Variants in SLC36A1 observed in about 807,000 individuals in gnomAD.
SLC36A1 encodes solute carrier family 36 member 1, also known as proton-coupled amino acid transporter 1.
SLC36A1 carries 30 observed loss-of-function variants against 47.5 expected under a neutral mutation model. The observed-to-expected ratio is 0.63, with a 90% confidence interval of 0.47 to 0.86. SLC36A1 has a LOEUF of 0.86. SLC36A1 is among the 40% of genes least tolerant of loss of function. The pLI is 0.00. For missense variants in SLC36A1, 517 were observed against 606.0 expected (o/e 0.85, Z 1.54); for synonymous variants, 255 against 249.7 (o/e 1.02, Z -0.20).
chr5:151,416,541 G>A, the SLC36A1 span, among the ~76,000 whole-genome samples: 1 of 152,126 alleles, frequency 6.6e-6, no homozygotes, highest in Non-Finnish European at 1.5e-5. Flanking sequence ...CACTATGAGA[G>A]CAGTATCAAA....
intron 10 of SLC36A1, among the ~76,000 whole-genome samples, chr5:151,482,771 C>T (rs1758976827): frequency 6.6e-6 from 1 of 152,102 alleles, no homozygotes; most frequent in African/African-American, 2.4e-5. Flanking sequence ...ATTTATACCC[C>T]CACTAAGTCA....
chr5:151,512,399 G>C, the SLC36A1 span: 1 of 1,614,254 alleles, frequency 6.2e-7, no homozygotes, highest in Non-Finnish European at 8.5e-7. This position sits in a 1 kb window ranked among gnomAD's most constrained non-coding sequence, Gnocchi z 4.1. Context: ...CCCAGCAAGA[G>C]GTGCCTTTCG....
In SLC36A1 at chr5:151,479,380, G is replaced by A. The variant is rs766569267; in HGVS notation, c.1050G>A (p.Gln350=). Reference sequence around the variant, plus strand: ...GGATCTTTTTCACCTACGCACTCCAGTTCTACGTCCCGGCTGAGATCATCA... The same window carrying A: ...GGATCTTTTTCACCTACGCACTCCAATTCTACGTCCCGGCTGAGATCATCA... ...SIGIFFTYAL[Q]FYVPAEIIIP... The change falls in exon 10 of 11, where the codon CAG becomes CAA. Residue 350 remains glutamine (Q), a synonymous_variant. Transcript: ENST00000243389. 6 of 1,614,228 alleles carry A rather than the reference G, an allele frequency of 3.7e-6. No homozygotes were observed. The highest frequency in any genetic ancestry group is 4.2e-6 in the Non-Finnish European group (5 of 1,180,030).
chr5:151,358,696 G>A, the SLC36A1 span, among the ~76,000 whole-genome samples: 2 of 151,534 alleles, frequency 1.3e-5, no homozygotes, highest in Non-Finnish European at 1.5e-5. Context: ...ATTCTCGGCC[G>A]GGCGCGGTGG....
the SLC36A1 span, among the ~76,000 whole-genome samples, chr5:151,370,879 A>G: frequency 0.32 from 49,313 of 151,984 alleles, 11,351 homozygotes; most frequent in African/African-American, 0.65. Flanking sequence ...TGTAATCCCA[A>G]CTACTTGGGA....
the SLC36A1 span, chr5:151,378,282 A>C: frequency 4.6e-6 from 1 of 215,622 alleles, no homozygotes; most frequent in Admixed American, 4.5e-5. Context: ...AACTGCTTTG[A>C]AAAGCAGAGT....
At chr5:151,555,998 AC>A in the SLC36A1 span, among the ~76,000 whole-genome samples, 2 of 152,228 alleles carry the variant, frequency 1.3e-5, no homozygotes, top group African/African-American at 4.8e-5. Flanking sequence ...TCTGCTACTG[AC>A]CTAGTGTTTG....
At chr5:151,540,651 T>C in the SLC36A1 span, 1 of 1,614,192 alleles carries the variant, frequency 6.2e-7, no homozygotes, top group East Asian at 2.2e-5. Context: ...CATCAGATGC[T>C]GTGACTCTGA....
At chr5:151,370,015 G>A in the SLC36A1 span, among the ~76,000 whole-genome samples, 1 of 151,746 alleles carries the variant, frequency 6.6e-6, no homozygotes, top group African/African-American at 2.4e-5. Context: ...TGGCCAGGCT[G>A]GTCTCGAACT....
chr5:151,476,554 C>G, intron 8 of SLC36A1, 36 bp from the exon 9 acceptor site: 1 of 1,369,254 alleles, frequency 7.3e-7, no homozygotes, highest in Non-Finnish European at 9.5e-7. Flanking sequence ...TTTCTTTTTT[C>G]TGCACTTTCT....
At chr5:151,521,549 C>T in the SLC36A1 span, 26 of 1,614,190 alleles carry the variant, frequency 1.6e-5, no homozygotes, top group South Asian at 4.4e-5. Flanking sequence ...ACCAGGAGCA[C>T]ATCCACACCA....
At chr5:151,413,167 A>C in the SLC36A1 span, among the ~76,000 whole-genome samples, 35,445 of 151,874 alleles carry the variant, frequency 0.23, 4,430 homozygotes, top group African/African-American at 0.3. Context: ...TCAATGAATT[A>C]ATTCATTCAT....
At chr5:151,534,774 T>G in the SLC36A1 span, 1 of 674,806 alleles carries the variant, frequency 1.5e-6, no homozygotes, top group East Asian at 2.8e-5. Context: ...GTCAATACAG[T>G]CAGGAAAGCA....
At position 151,450,131 on chromosome 5, in the gene SLC36A1, G is replaced by A. The variant is rs140608237; in HGVS notation, c.-6+2318G>A. 6.1e-3 allele frequency among the ~76,000 whole-genome samples: 927 copies of A among 152,174 alleles called. 13 individuals carry two copies. The highest frequency in any genetic ancestry group is 0.021 in the African/African-American group (874 of 41,506). Reference sequence around the variant, plus strand: ...ATGTCCACTTATTAGCATGTGGGATGGATGGAGCCGATGTCCACTTACTAG... The same window carrying A: ...ATGTCCACTTATTAGCATGTGGGATAGATGGAGCCGATGTCCACTTACTAG... On this transcript the variant is annotated intron_variant, in intron 1 of 10. Transcript: ENST00000243389.
At chr5:151,350,946 A>T in the SLC36A1 span, among the ~76,000 whole-genome samples, 1 of 152,090 alleles carries the variant, frequency 6.6e-6, no homozygotes, top group Non-Finnish European at 1.5e-5. Flanking sequence ...TGGCCTCCCA[A>T]AGTGCTGGGA....
chr5:151,434,987 G>A (rs796982137), upstream of SLC36A1, among the ~76,000 whole-genome samples: 10 of 152,290 alleles, frequency 6.6e-5, no homozygotes, highest in African/African-American at 2.4e-4. Flanking sequence ...AGTTAAGAGG[G>A]AATATGGTAG....
chr5:151,428,913 G>C, the SLC36A1 span, among the ~76,000 whole-genome samples: 2 of 152,204 alleles, frequency 1.3e-5, no homozygotes, highest in East Asian at 3.9e-4. Flanking sequence ...GATTATAGGC[G>C]TGAGCCACTG....
chr5:151,508,434 G>A, the SLC36A1 span, among the ~76,000 whole-genome samples: 1 of 152,182 alleles, frequency 6.6e-6, no homozygotes, highest in Non-Finnish European at 1.5e-5. Context: ...AGTCGACTGG[G>A]CGCAGTGGCT....
upstream of SLC36A1, among the ~76,000 whole-genome samples, chr5:151,435,470 A>G (rs1322757343): frequency 3.3e-5 from 5 of 152,212 alleles, no homozygotes; most frequent in Non-Finnish European, 5.9e-5. Context: ...ATGTATGGGT[A>G]AATCTTGATT....
Sources: gnomAD v4.1 joint callset for allele counts (sites outside exome capture counted in the v4.1 genomes callset) on GRCh38, gnomAD v4.1.1 for gene constraint, Gnocchi (gnomAD v3.1) non-coding constraint, MANE v1.5 for transcripts, NCBI Gene and HGNC (gene_info 2026-07-23, HGNC 2026-07-21) for gene names.